Variants in ITGA11 observed in about 807,000 individuals in gnomAD.
ITGA11 encodes integrin alpha-11.
ITGA11 carries 97 observed loss-of-function variants against 141.9 expected under a neutral mutation model. The observed-to-expected ratio is 0.68, with a 90% confidence interval of 0.58 to 0.81. ITGA11 has a LOEUF of 0.81. Among genes scored for constraint, ITGA11 ranks in the 30% least tolerant of loss-of-function variants. The probability of loss-of-function intolerance (pLI) is 0.00; values close to 1 mark genes in which losing one functional copy is unlikely to be tolerated. For missense variants in ITGA11, 1,387 were observed against 1,559.2 expected (o/e 0.89, Z 1.86); for synonymous variants, 658 against 624.6 (o/e 1.05, Z -0.80).
chr15:68,349,965 G>C (rs890047214), intron 9 of ITGA11, among the ~76,000 whole-genome samples: 1 of 152,090 alleles, frequency 6.6e-6, no homozygotes, highest in Non-Finnish European at 1.5e-5. Flanking sequence ...ACCTAAGCCT[G>C]CCACACCCAC....
At position 68,305,691 on chromosome 15, in the gene ITGA11, G is replaced by T. The variant is rs892158789; in HGVS notation, c.3381+1657C>A. Among the ~76,000 whole-genome samples the T allele has an allele frequency of 6.6e-6, 1 of 152,208 alleles. No homozygotes were observed. Among genetic ancestry groups the T allele is most frequent in the East Asian group, 1.9e-4 (1 of 5,194 alleles). ...CTCGGTGTGCATACCTGAGAGATGG[G>T]GGTGGGGACAGTGCCTCACAGTGTT... is the stretch of plus-strand genomic sequence containing the variant. On this transcript the variant is annotated intron_variant, in intron 28 of 29. Transcript: ENST00000315757. This position sits in a 1 kb window ranked among gnomAD's most constrained non-coding sequence, Gnocchi z 4.6.
chr15:68,372,430 C>A (rs541913184), intron 2 of ITGA11, among the ~76,000 whole-genome samples: 4 of 152,198 alleles, frequency 2.6e-5, no homozygotes, highest in Non-Finnish European at 5.9e-5. Context: ...GGGCACCAGA[C>A]GGCACAGCAA....
At chr15:68,318,927 T>A (rs891708314) in intron 20 of ITGA11, among the ~76,000 whole-genome samples, 1 of 152,178 alleles carries the variant, frequency 6.6e-6, no homozygotes, top group Admixed American at 6.5e-5. Flanking sequence ...AACAAACTTG[T>A]CTTGAGGGCC....
chr15:68,360,866 G>A (rs370333154), intron 5 of ITGA11, among the ~76,000 whole-genome samples: 1 of 151,932 alleles, frequency 6.6e-6, no homozygotes, highest in South Asian at 2.1e-4. Context: ...CATCTGACTC[G>A]GCCTTGTTGT....
chr15:68,325,080 AGGTGGG>A lies in ITGA11; in HGVS notation c.2322+45_2322+50del. 5 of 1,120,622 alleles carry A rather than the reference AGGTGGG, an allele frequency of 4.5e-6. No individual in the cohort carries two copies. Among genetic ancestry groups the A allele is most frequent in the Non-Finnish European group, 6.3e-6 (5 of 793,080 alleles). The allele number at this position is 1,120,622 out of a possible 1,614,324, so 69.4% of individuals were successfully genotyped here. ...GCTCTGGGCTTTGGGGTTGAGGTGG[AGGTGGG>A]GGTGGGGTTCATGCCCGAGGTGCGT... is the stretch of plus-strand genomic sequence containing the variant. On this transcript the variant is annotated intron_variant, in intron 18 of 29. Coordinates refer to ENST00000315757, the MANE Select transcript of ITGA11 (RefSeq NM_001004439.2). This position sits in a 1 kb window ranked among gnomAD's most constrained non-coding sequence, Gnocchi z 5.5.
intron 2 of ITGA11, among the ~76,000 whole-genome samples, chr15:68,380,483 G>C (rs1358226685): frequency 6.6e-6 from 1 of 152,220 alleles, no homozygotes; most frequent in Non-Finnish European, 1.5e-5. Flanking sequence ...CCCTAGCCCA[G>C]TGAGGGCAGG....
intron 2 of ITGA11, among the ~76,000 whole-genome samples, chr15:68,399,181 T>C (rs1896402770): frequency 6.6e-6 from 1 of 152,034 alleles, no homozygotes; most frequent in Non-Finnish European, 1.5e-5. Context: ...CAGACACTTC[T>C]TAAAAGAAGA....
Position 68,321,432 on chromosome 15 carries a change from G to A in ITGA11, c.2394C>T (p.Asp798=). The change falls in exon 19 of 30, where the codon GAC becomes GAT. Residue 798 remains aspartate, a synonymous_variant. Transcript: ENST00000315757. The surrounding 1 kb of genome is among the most constrained non-coding windows in gnomAD (Gnocchi z 4.9). ...VPDLVLDARS[D]LPTAMEYCQR... ...AGCCAACTCACATGGCCGTGGGCAG[G>A]TCACTCCGGGCATCCAACACAAGGT... The A allele has an allele frequency of 6.3e-7, 1 of 1,587,614 alleles. No homozygotes were observed.
intron 2 of ITGA11, 95 bp from the exon 3 acceptor site, chr15:68,369,379 GTGGGGAGGGT>G: frequency 3.2e-6 from 2 of 630,562 alleles, no homozygotes; most frequent in South Asian, 1.9e-5. Context: ...GTGAAGTTGG[GTGGGGAGGGT>G]GGGAGGGAAC....
At chr15:68,342,997 TTCTCTCTCTCTCTCTCTCTCTCTC>T (rs6145615) in intron 10 of ITGA11, among the ~76,000 whole-genome samples, 19 of 144,036 alleles carry the variant, frequency 1.3e-4, no homozygotes, top group South Asian at 2.3e-4. Flanking sequence ...GGGCAAGTTC[TTCTCTCTCTCTCTCTCTCTCTCTC>T]TCTCTCTCTC....
chr15:68,317,430 C>T (rs147752946), intron 20 of ITGA11, 67 bp from the exon 21 acceptor site: 9 of 1,108,958 alleles, frequency 8.1e-6, no homozygotes, highest in Non-Finnish European at 1.3e-5. Context: ...TCGAGGCTCC[C>T]TCACCCCCAG....
At chr15:68,421,272 C>A (rs997087082) in intron 1 of ITGA11, among the ~76,000 whole-genome samples, 3 of 152,144 alleles carry the variant, frequency 2.0e-5, no homozygotes, top group Admixed American at 1.3e-4. Context: ...GCAGAAGAAA[C>A]AGCAAGTGCA....
Position 68,419,093 on chromosome 15 carries a change from C to T in ITGA11, c.52+12922G>A, listed in dbSNP as rs141727703. ...CCGCCCTCCAGTGGATATACCCACACCCATCTGAAAAGGTCTCTGGCTGCA... is the reference window on the plus strand; with the variant it reads ...CCGCCCTCCAGTGGATATACCCACATCCATCTGAAAAGGTCTCTGGCTGCA... On this transcript the variant is annotated intron_variant, in intron 1 of 29. Coordinates refer to ENST00000315757, the MANE Select transcript of ITGA11 (RefSeq NM_001004439.2). Among the ~76,000 whole-genome samples the T allele has an allele frequency of 7.2e-5, 11 of 152,212 alleles. No homozygotes were observed. In the East Asian group the frequency reaches 1.7e-3, roughly 24 times the overall value.
At chr15:68,392,167 G>T (rs1011444479) in intron 2 of ITGA11, among the ~76,000 whole-genome samples, 1 of 152,226 alleles carries the variant, frequency 6.6e-6, no homozygotes, top group Non-Finnish European at 1.5e-5. Flanking sequence ...AGCTTATGTA[G>T]TGATGGGAAG....
chr15:68,410,362 T>C (rs777396464), intron 1 of ITGA11, among the ~76,000 whole-genome samples: 1 of 151,730 alleles, frequency 6.6e-6, no homozygotes, highest in Admixed American at 6.6e-5. Flanking sequence ...GGAGGTGGGG[T>C]TTATCACTAA....
At position 68,326,688 on chromosome 15, in the gene ITGA11, T is replaced by A; in HGVS notation, c.2177A>T (p.Gln726Leu). The A allele has an allele frequency of 6.3e-7, 1 of 1,591,156 alleles. No homozygotes were observed. The highest frequency in any genetic ancestry group is 1.7e-5 in the Admixed American group (1 of 57,308). Residue 726 changes from glutamine (Q) to leucine (L), a missense_variant, in exon 17 of 30, where the codon CAG (glutamine) becomes CTG (leucine). By Grantham distance (113) the Gln-to-Leu change is moderately radical. Transcript: ENST00000315757. The surrounding 1 kb of genome is among the most constrained non-coding windows in gnomAD (Gnocchi z 6.8). Reference sequence around the variant, plus strand: ...GAAGTTGATCCGCTCACAGAGCTCCTGGCCGGAGGAGAGCAGTACGGCTCT... The same window carrying A: ...GAAGTTGATCCGCTCACAGAGCTCCAGGCCGGAGGAGAGCAGTACGGCTCT... Reference protein sequence around the residue: ...TNRAVLLSSGQELCERINFHV... With the variant: ...TNRAVLLSSGLELCERINFHV...
In ITGA11 at chr15:68,320,045, C is replaced by A. The variant is rs1327208885; in HGVS notation, c.2616+140G>T. ...GCTCAAGTGATCCTCCCACCTCAGC[C>A]TCCCAAAGTGCTAGGATTACAGGCA... On this transcript the variant is annotated intron_variant, in intron 20 of 29. Transcript: ENST00000315757. 38 of 717,486 alleles carry A rather than the reference C, an allele frequency of 5.3e-5. No individual in the cohort carries two copies. The South Asian group carries it at 6.7e-4, about 13-fold the overall frequency. The allele number at this position is 717,486 out of a possible 1,614,324, so 44.4% of individuals were successfully genotyped here. A position where few individuals can be genotyped will look rare whatever the true frequency, so the allele number is the denominator to read the frequency against.
intron 2 of ITGA11, among the ~76,000 whole-genome samples, chr15:68,402,214 C>T (rs1266464178): frequency 6.6e-6 from 1 of 151,970 alleles, no homozygotes; most frequent in Non-Finnish European, 1.5e-5. Flanking sequence ...GAAGGATAGC[C>T]TTCTGCCAGC....
rs773471766 is a variant in ITGA11 at position 68,317,351 on chromosome 15, C to T, written c.2629G>A (p.Gly877Ser). The change falls in exon 21 of 30, where the codon GGT becomes AGT. Residue 877 changes from glycine (G) to serine (S), a missense_variant. By Grantham distance (56) the Gly-to-Ser change is moderately conservative. Transcript: ENST00000315757. ...ASLIQKEDSDGSIECVNEERR... is the reference protein window; with the variant it reads ...ASLIQKEDSDSSIECVNEERR... Reference sequence around the variant, plus strand: ...TCCTCGTTCACACACTCAATGCTACCGTCTGAGTCCTCCTGGAGGTGGGTG... The same window carrying T: ...TCCTCGTTCACACACTCAATGCTACTGTCTGAGTCCTCCTGGAGGTGGGTG... The T allele has an allele frequency of 2.4e-5, 39 of 1,612,354 alleles. No individual in the cohort carries two copies. Among genetic ancestry groups the T allele is most frequent in the African/African-American group, 1.1e-4 (8 of 74,876 alleles).
Sources: allele counts gnomAD v4.1 joint callset (sites outside exome capture counted in the v4.1 genomes callset), GRCh38; gene constraint gnomAD v4.1.1; non-coding constraint Gnocchi (gnomAD v3.1); transcripts MANE v1.5; gene names NCBI Gene and HGNC (gene_info 2026-07-23, HGNC 2026-07-21).